The following WDR90 variants were observed in gnomAD, a reference collection of about 807,000 sequenced individuals.
The protein encoded by WDR90 is WD repeat domain 90, also known as WD repeat-containing protein 90.
WDR90 carries 238 observed loss-of-function variants against 195.2 expected under a neutral mutation model. That is an observed-to-expected ratio of 1.22 (90% CI 1.10 to 1.36). WDR90 has a LOEUF of 1.36. WDR90 is among the 40% of genes most tolerant of loss of function. The pLI is 0.00. For synonymous variants in WDR90, 1,265 were observed against 1,052.4 expected (o/e 1.20, Z -3.91); for missense variants, 2,734 against 2,439.5 (o/e 1.12, Z -2.54).
Position 651,111 on chromosome 16 carries a change from GT to G in WDR90, c.668+10del, listed in dbSNP as rs773082588. 1.7e-4 allele frequency: 257 copies of G among 1,526,518 alleles called. No homozygotes were observed. Among genetic ancestry groups the G allele is most frequent in the Non-Finnish European group, 2.3e-4 (251 of 1,114,340 alleles). The allele number at this position is 1,526,518 out of a possible 1,614,324, so 94.6% of individuals were successfully genotyped here. On this transcript the variant is annotated intron_variant, in intron 6 of 40. Coordinates refer to ENST00000293879, the MANE Select transcript of WDR90 (RefSeq NM_145294.5). ...CCGCTACATCCACGTCCGGTGAGTG[GT>G]TCTGCTTCTTTCGAGGGAGGCCTCG...
chr16:650,935 G>T, intron 5 of WDR90, 60 bp from the exon 6 acceptor site: 1 of 1,581,392 alleles, frequency 6.3e-7, no homozygotes, highest in South Asian at 1.1e-5. Context: ...CTTGGCGGGT[G>T]CCCTGTGTTC....
rs760490631 is a variant in WDR90, at chr16:658,893, T to A, written c.2896-3T>A. ...GTCCTGCATGTGACGCCGCTACCCCTAGGTGTACATCGGCCACTCGGAACC... is the reference window on the plus strand; with the variant it reads ...GTCCTGCATGTGACGCCGCTACCCCAAGGTGTACATCGGCCACTCGGAACC... On this transcript the variant is annotated splice_polypyrimidine_tract_variant and splice_region_variant and intron_variant, in intron 23 of 40. Coordinates refer to ENST00000293879, the MANE Select transcript of WDR90 (RefSeq NM_145294.5). 3 of 1,611,522 alleles carry A rather than the reference T, an allele frequency of 1.9e-6. No homozygotes were observed. The highest frequency in any genetic ancestry group is 3.3e-5 in the Admixed American group (2 of 60,008).
chr16:666,750 T>C lies in WDR90; in HGVS notation c.4962T>C (p.Gly1654=). The C allele has an allele frequency of 6.2e-7, 1 of 1,612,734 alleles. No homozygotes were observed. ...DGALLMYVGP[G]VYKEVIIYNL... ...CGCTCCTGATGTACGTGGGCCCCGG[T>C]GTTTACAAGGAGGTGATCATCTACA... is the stretch of plus-strand genomic sequence containing the variant. The change falls in exon 39 of 41, where the codon GGT becomes GGC. Residue 1654 remains glycine, a synonymous_variant. Transcript: ENST00000293879.
At chr16:664,900 C>G (rs1004806406) in intron 34 of WDR90, 1 of 152,252 alleles carries the variant, frequency 6.6e-6, no homozygotes, top group African/African-American at 2.4e-5. Flanking sequence ...AGGATGGTCT[C>G]GAACTCCTGA....
chr16:666,675 T>C lies in WDR90; in HGVS notation c.4887T>C (p.Thr1629=). The part of the protein sequence containing the change: ...LSFPMPATTE[T]QGHLPPSLAA... ...CGCAGCATGCTGCGCCTTTGCAGAC[T>C]CAGGGCCACCTGCCACCCTCCCTCG... Residue 1629 remains threonine (T), a splice_region_variant and synonymous_variant, in exon 39 of 41, where the codon ACT becomes ACC. Transcript: ENST00000293879. 6.2e-7 allele frequency: 1 copy of C among 1,612,604 alleles called. No individual in the cohort carries two copies. Among genetic ancestry groups the C allele is most frequent in the Non-Finnish European group, 8.5e-7 (1 of 1,179,872 alleles).
At position 666,011 on chromosome 16, in the gene WDR90, C is replaced by T. The variant is rs751072904; in HGVS notation, c.4496C>T (p.Ala1499Val). The T allele has an allele frequency of 3.7e-6, 6 of 1,603,620 alleles. No individual in the cohort carries two copies. Among genetic ancestry groups the T allele is most frequent in the Non-Finnish European group, 5.1e-6 (6 of 1,179,672 alleles). The change falls in exon 36 of 41, where the codon GCG becomes GTG. Residue 1499 changes from alanine (A) to valine (V), a missense_variant. Ala to Val is a moderately conservative substitution (Grantham distance 64, BLOSUM62 0). Coordinates refer to ENST00000293879, the MANE Select transcript of WDR90 (RefSeq NM_145294.5). ...CCGRPEQQRL[A>V]AGYGDGSLRI... ...GGCCGCCCTGAGCAGCAGCGGCTAG[C>T]GGCTGGCTACGGTGACGGCTCCCTG...
intron 25 of WDR90, 26 bp downstream of exon 25, chr16:659,152 G>A (rs7184667): frequency 0.16 from 260,431 of 1,610,642 alleles, 29,583 homozygotes; most frequent in African/African-American, 0.59. Context: ...CAGCTGGGGT[G>A]CAGGTGCTGC....
intron 2 of WDR90, 52 bp from the exon 3 acceptor site, chr16:649,939 C>T: frequency 1.9e-5 from 31 of 1,606,940 alleles, no homozygotes; most frequent in Non-Finnish European, 2.6e-5. Flanking sequence ...CCCCTCGCCC[C>T]CGCTGCACTT....
At position 659,363 on chromosome 16, in the gene WDR90, C is replaced by A. The variant is rs371388617; in HGVS notation, c.3171C>A (p.Pro1057=). 6.3e-7 allele frequency: 1 copy of A among 1,591,948 alleles called. No individual in the cohort carries two copies. Among genetic ancestry groups the A allele is most frequent in the Non-Finnish European group, 8.5e-7 (1 of 1,170,472 alleles). ...PPRLGVCARP[P]EGGDGARDTR... ...GGCTGGGCGTCTGTGCCAGGCCTCC[C>A]GAAGGTGGCGATGGTGAGCAGCAGG... The change falls in exon 26 of 41, where the codon CCC becomes CCA. Residue 1057 remains proline, a synonymous_variant. Transcript: ENST00000293879.
chr16:653,986 A>C, intron 13 of WDR90, 183 bp downstream of exon 13: 1 of 705,716 alleles, frequency 1.4e-6, no homozygotes, highest in Non-Finnish European at 2.3e-6. Flanking sequence ...CACAAAAACC[A>C]CCACCAGCAG....
At position 660,146 on chromosome 16, in the gene WDR90, C is replaced by T; in HGVS notation, c.3273C>T (p.Ser1091=). ...TCACGCCTGCCAGGGTCAGCTGCAGCCCCCACTCTGCCAAGGTGGGGAGTG... is the reference window on the plus strand; with the variant it reads ...TCACGCCTGCCAGGGTCAGCTGCAGTCCCCACTCTGCCAAGGTGGGGAGTG... ...KAFTPARVSC[S]PHSAKGTCPP... The change falls in exon 27 of 41, where the codon AGC becomes AGT. Residue 1091 remains serine (S), a synonymous_variant. Coordinates refer to ENST00000293879, the MANE Select transcript of WDR90 (RefSeq NM_145294.5). The T allele has an allele frequency of 2.0e-6, 3 of 1,535,162 alleles. No homozygotes were observed. The highest frequency in any genetic ancestry group is 2.6e-6 in the Non-Finnish European group (3 of 1,136,928).
Position 659,004 on chromosome 16 carries a change from A to G in WDR90, c.3004A>G (p.Thr1002Ala). The change falls in exon 24 of 41, where the codon ACT becomes GCT. Residue 1002 changes from threonine to alanine, a missense_variant. By Grantham distance (58) the Thr-to-Ala change is moderately conservative. Transcript: ENST00000293879. ...AVFLWDVLAP[T>A]ESDQSFPGAP... is the part of the protein sequence containing the mutation. Reference sequence around the variant, plus strand: ...CTTCCTCTGGGATGTCCTGGCCCCTACTGAGAGGCAAGTGCCTACTCTCAG... The same window carrying G: ...CTTCCTCTGGGATGTCCTGGCCCCTGCTGAGAGGCAAGTGCCTACTCTCAG... 2.5e-6 allele frequency: 4 copies of G among 1,612,998 alleles called. No homozygotes were observed. Among genetic ancestry groups the G allele is most frequent in the Non-Finnish European group, 3.4e-6 (4 of 1,179,894 alleles).
In WDR90 at chr16:666,697, C is replaced by T; in HGVS notation, c.4909C>T (p.Leu1637Phe). The change falls in exon 39 of 41, where the codon CTC becomes TTC. Residue 1637 changes from leucine to phenylalanine, a missense_variant. Transcript: ENST00000293879. ...GACTCAGGGCCACCTGCCACCCTCCCTCGCTGCCTTCTGCCCTTGGGATGG... is the reference window on the plus strand; with the variant it reads ...GACTCAGGGCCACCTGCCACCCTCCTTCGCTGCCTTCTGCCCTTGGGATGG... The part of the protein sequence containing the change: ...TETQGHLPPS[L>F]AAFCPWDGAL... 6.2e-7 allele frequency: 1 copy of T among 1,612,832 alleles called. No individual in the cohort carries two copies. Among genetic ancestry groups the T allele is most frequent in the East Asian group, 2.2e-5 (1 of 44,886 alleles).
rs1233937192 is a variant in WDR90 at position 650,152 on chromosome 16, C to T, written c.264C>T (p.Leu88=). 2 of 1,612,892 alleles carry T rather than the reference C, an allele frequency of 1.2e-6. No homozygotes were observed. Among genetic ancestry groups the T allele is most frequent in the African/African-American group, 1.3e-5 (1 of 74,944 alleles). The change falls in exon 3 of 41, where the codon CTC becomes CTT. Residue 88 remains leucine, a synonymous_variant. Coordinates refer to ENST00000293879, the MANE Select transcript of WDR90 (RefSeq NM_145294.5). ...PLPSKHFVIH[L]DVSSKDNQVI... ...CCAGCAAGCACTTCGTCATCCACCT[C>T]GATGTGTCCTCCAAGGTACGGAGCC...
chr16:653,063 G>C (rs971954034), intron 10 of WDR90, among the ~76,000 whole-genome samples: 2 of 152,222 alleles, frequency 1.3e-5, no homozygotes, highest in African/African-American at 4.8e-5. Flanking sequence ...TCTTGCACTG[G>C]AGGCGGGGCT....
intron 33 of WDR90, 114 bp downstream of exon 33, chr16:662,445 C>A: frequency 7.4e-7 from 1 of 1,349,402 alleles, no homozygotes; most frequent in Non-Finnish European, 1.0e-6. Context: ...CGGCCGCCTG[C>A]TAGCCCCTCC....
At chr16:657,439 C>A in intron 20 of WDR90, 1 of 814,614 alleles carries the variant, frequency 1.2e-6, no homozygotes, top group Non-Finnish European at 1.9e-6. Flanking sequence ...GGTCTGTGCC[C>A]AGGAGGCGGC....
intron 14 of WDR90, 41 bp from the exon 15 acceptor site, chr16:655,266 C>A: frequency 6.2e-7 from 1 of 1,610,414 alleles, no homozygotes; most frequent in South Asian, 1.1e-5. Context: ...TGGGTCAGGG[C>A]GCTGCGAGCT....
Position 655,435 on chromosome 16 carries a change from G to A in WDR90, c.1685G>A (p.Arg562Gln), listed in dbSNP as rs1378701335. 5 of 1,567,396 alleles carry A rather than the reference G, an allele frequency of 3.2e-6. No homozygotes were observed. Among genetic ancestry groups the A allele is most frequent in the East Asian group, 2.3e-5 (1 of 43,294 alleles). The change falls in exon 15 of 41, where the codon CGG becomes CAG. Residue 562 changes from arginine (R) to glutamine (Q), a missense_variant. By Grantham distance (43) the Arg-to-Gln change is conservative. Coordinates refer to ENST00000293879, the MANE Select transcript of WDR90 (RefSeq NM_145294.5). ...ACCGACCTGGCCTTCAAGCAGGCCC[G>A]GGACGGCTGCCCGGAGCCCTCGGCT... ...QFTDLAFKQA[R>Q]DGCPEPSAAM...
Sources: allele counts gnomAD v4.1 joint callset (sites outside exome capture counted in the v4.1 genomes callset), GRCh38; gene constraint gnomAD v4.1.1; transcripts MANE v1.5; gene names NCBI Gene and HGNC (gene_info 2026-07-23, HGNC 2026-07-21).